The following APBB1IP variants were observed in gnomAD, a reference collection of about 807,000 sequenced individuals.
APBB1IP encodes amyloid beta A4 precursor protein-binding family B member 1-interacting protein.
Under a neutral mutation model 64.9 loss-of-function variants are expected in APBB1IP, and 27 were observed. The ratio of observed to expected loss-of-function variants is 0.42; its 90% CI spans 0.31 to 0.57. The LOEUF (loss-of-function observed/expected upper bound fraction) is 0.57. Among genes scored for constraint, APBB1IP ranks in the 20% least tolerant of loss-of-function variants. The pLI, the probability that APBB1IP is intolerant of heterozygous loss-of-function variation, is 0.20. For missense variants in APBB1IP, 812 were observed against 845.5 expected (o/e 0.96, Z 0.49); for synonymous variants, 392 against 331.0 (o/e 1.18, Z -2.00).
At chr10:26,446,473 G>C (rs917824225) in intron 2 of APBB1IP, among the ~76,000 whole-genome samples, 9 of 152,200 alleles carry the variant, frequency 5.9e-5, no homozygotes, top group African/African-American at 2.2e-4. Flanking sequence ...GTGCTATGCA[G>C]TGTGGTGAAA....
intron 2 of APBB1IP, 98 bp from the exon 3 acceptor site, chr10:26,492,229 C>A: frequency 9.2e-7 from 1 of 1,089,612 alleles, no homozygotes; most frequent in East Asian, 2.4e-5. Context: ...CTTAGCTGCC[C>A]ATGGATGGGG....
intron 3 of APBB1IP, among the ~76,000 whole-genome samples, chr10:26,493,309 G>T (rs924930680): frequency 1.3e-5 from 2 of 152,026 alleles, no homozygotes; most frequent in African/African-American, 4.8e-5. Flanking sequence ...GGGTCCTAAG[G>T]CGACATACAT....
chr10:26,553,607 A>G (rs934060405), intron 11 of APBB1IP, among the ~76,000 whole-genome samples: 1 of 152,150 alleles, frequency 6.6e-6, no homozygotes, highest in Admixed American at 6.5e-5. Flanking sequence ...GCAGGGAGCC[A>G]TGATTGCACC....
chr10:26,445,512 A>G (rs1033423090), intron 2 of APBB1IP, among the ~76,000 whole-genome samples: 10 of 152,288 alleles, frequency 6.6e-5, no homozygotes, highest in Admixed American at 4.6e-4. Flanking sequence ...GGCCTCCTAA[A>G]GGGCTGGGCT....
intron 11 of APBB1IP, among the ~76,000 whole-genome samples, chr10:26,554,690 T>C (rs898447135): frequency 6.6e-6 from 1 of 152,170 alleles, no homozygotes; most frequent in Non-Finnish European, 1.5e-5. Context: ...TAAGTGATCC[T>C]CCTGCCTCAG....
chr10:26,559,851 C>T (rs922716188), intron 11 of APBB1IP, among the ~76,000 whole-genome samples: 14 of 151,968 alleles, frequency 9.2e-5, no homozygotes, highest in African/African-American at 3.1e-4. Context: ...ACCACGTTGG[C>T]CAGGCTCATC....
chr10:26,484,918 A>G (rs1419400779), intron 2 of APBB1IP, among the ~76,000 whole-genome samples: 1 of 152,240 alleles, frequency 6.6e-6, no homozygotes, highest in African/African-American at 2.4e-5. Context: ...TATTTACTAA[A>G]TGATGATTAA....
intron 2 of APBB1IP, among the ~76,000 whole-genome samples, chr10:26,450,221 C>G (rs988663587): frequency 6.6e-6 from 1 of 152,138 alleles, no homozygotes; most frequent in Non-Finnish European, 1.5e-5. Context: ...CCATTAAATG[C>G]GTCTGTACAT....
chr10:26,559,235 G>T (rs1424963975), intron 11 of APBB1IP, among the ~76,000 whole-genome samples: 1 of 152,086 alleles, frequency 6.6e-6, no homozygotes. Flanking sequence ...AAGTTAAAAA[G>T]GCATAAATGA....
chr10:26,460,772 G>A (rs953984671), intron 2 of APBB1IP, among the ~76,000 whole-genome samples: 7 of 152,114 alleles, frequency 4.6e-5, no homozygotes, highest in African/African-American at 1.4e-4. Context: ...GACACATTGG[G>A]GGAACAACAC....
intron 14 of APBB1IP, among the ~76,000 whole-genome samples, chr10:26,564,514 G>A (rs1261066395): frequency 2.0e-5 from 3 of 152,148 alleles, no homozygotes; most frequent in African/African-American, 4.8e-5. Flanking sequence ...TTGAGAAATG[G>A]TAAACTGTCC....
intron 6 of APBB1IP, among the ~76,000 whole-genome samples, chr10:26,508,701 T>C (rs866675795): frequency 1.6e-4 from 24 of 152,116 alleles, no homozygotes; most frequent in Admixed American, 6.6e-5. Flanking sequence ...GAATAGTAAA[T>C]ATAATTTCTT....
At chr10:26,511,464 TG>T (rs1367537806) in intron 6 of APBB1IP, among the ~76,000 whole-genome samples, 4 of 152,226 alleles carry the variant, frequency 2.6e-5, no homozygotes, top group African/African-American at 9.6e-5. Context: ...ACACTTTTTT[TG>T]TTCTGTTGTT....
chr10:26,511,484 C>G (rs1836259285), intron 6 of APBB1IP, among the ~76,000 whole-genome samples: 1 of 152,160 alleles, frequency 6.6e-6, no homozygotes. Context: ...TTTTCTGTCT[C>G]TCCCACCAGA....
chr10:26,553,775 A>G (rs1445689622), intron 11 of APBB1IP, among the ~76,000 whole-genome samples: 1 of 152,186 alleles, frequency 6.6e-6, no homozygotes, highest in Non-Finnish European at 1.5e-5. Context: ...TTCTCCCTGC[A>G]CCTCTGTGGA....
chr10:26,491,900 T>TA (rs1271039611), intron 2 of APBB1IP, among the ~76,000 whole-genome samples: 1 of 151,938 alleles, frequency 6.6e-6, no homozygotes, highest in Non-Finnish European at 1.5e-5. Context: ...TAGCTGGGAC[T>TA]ACAGGCACGT....
At position 26,567,612 on chromosome 10, in the gene APBB1IP, T is replaced by C. The variant is rs1837074644; in HGVS notation, c.*124T>C. The C allele has an allele frequency of 7.0e-7, 1 of 1,437,778 alleles. No homozygotes were observed. 89.1% of individuals were successfully genotyped at this position (1,437,778 alleles called of 1,614,324 possible). ...AATGTGATGGGAAACTTCTCACTGA[T>C]GTGCTCAAGTACAGGCATAACCATT... is the stretch of plus-strand genomic sequence containing the variant. On this transcript the variant is annotated 3_prime_UTR_variant, in exon 15 of 15. Transcript: ENST00000376236.
intron 8 of APBB1IP, among the ~76,000 whole-genome samples, chr10:26,523,631 A>G (rs1010426155): frequency 2.0e-5 from 3 of 152,018 alleles, no homozygotes; most frequent in African/African-American, 7.2e-5. Context: ...GAGGGGCTTC[A>G]TGTAATTATA....
intron 2 of APBB1IP, among the ~76,000 whole-genome samples, chr10:26,470,407 C>T (rs1232735907): frequency 6.6e-6 from 1 of 151,984 alleles, no homozygotes; most frequent in Non-Finnish European, 1.5e-5. Flanking sequence ...GATGTGGAGG[C>T]AGGCGCCTGT....
Sources: allele counts gnomAD v4.1 joint callset (sites outside exome capture counted in the v4.1 genomes callset), GRCh38; gene constraint gnomAD v4.1.1; transcripts MANE v1.5; gene names NCBI Gene and HGNC (gene_info 2026-07-23, HGNC 2026-07-21).